The following PELI2 variants were observed in gnomAD, a reference collection of about 807,000 sequenced individuals.
PELI2 encodes pellino E3 ubiquitin protein ligase family member 2.
In PELI2, 23 loss-of-function variants were observed where a neutral mutation model predicts 42.3. The observed-to-expected ratio is 0.54, with a 90% CI of 0.39 to 0.77. PELI2 has a LOEUF of 0.77. PELI2 is among the 30% of genes least tolerant of loss of function. The pLI, the probability that PELI2 is intolerant of heterozygous loss-of-function variation, is 0.00. For synonymous variants in PELI2, 245 were observed against 212.2 expected, an observed-to-expected ratio of 1.15 and a Z score of -1.34; for missense variants, 463 against 553.2, an observed-to-expected ratio of 0.84 and a Z score of 1.64.
intron 2 of PELI2, among the ~76,000 whole-genome samples, chr14:56,198,702 C>T (rs1886227603): frequency 6.6e-6 from 1 of 152,060 alleles, no homozygotes; most frequent in Non-Finnish European, 1.5e-5. Context: ...CTAGGGAGGG[C>T]TTGGGGGTCA....
intron 2 of PELI2, among the ~76,000 whole-genome samples, chr14:56,194,909 C>T (rs185927148): frequency 3.9e-5 from 6 of 152,134 alleles, no homozygotes; most frequent in South Asian, 2.1e-4. Flanking sequence ...AAATAAGGAC[C>T]GAGTGTTGAT....
chr14:56,176,649 T>C (rs1486721299), intron 1 of PELI2, among the ~76,000 whole-genome samples: 2 of 152,188 alleles, frequency 1.3e-5, no homozygotes, highest in Non-Finnish European at 2.9e-5. Flanking sequence ...TTGGCCACTC[T>C]TGGATACCGT....
At chr14:56,284,149 T>C (rs1044688177) in intron 3 of PELI2, among the ~76,000 whole-genome samples, 2 of 152,174 alleles carry the variant, frequency 1.3e-5, no homozygotes, top group East Asian at 3.8e-4. Flanking sequence ...TGGAGTCAGT[T>C]AGTAGACTCA....
In PELI2 at chr14:56,258,251, C is replaced by T. The variant is rs147301984; in HGVS notation, c.208-21425C>T. ...AAACTGTTCTAAAGTTAACTGCCTACCAGAACAAGTCCAACACTCTTAACA... is the reference window on the plus strand; with the variant it reads ...AAACTGTTCTAAAGTTAACTGCCTATCAGAACAAGTCCAACACTCTTAACA... On this transcript the variant is annotated intron_variant, in intron 2 of 5. Coordinates refer to ENST00000267460, the MANE Select transcript of PELI2 (RefSeq NM_021255.3). Among the ~76,000 whole-genome samples the T allele has an allele frequency of 8.8e-3, 1,341 of 152,168 alleles. 23 individuals carry two copies. Among genetic ancestry groups the T allele is most frequent in the African/African-American group, 0.031 (1,266 of 41,504 alleles).
At chr14:56,119,516 G>T (rs1051213819) in intron 1 of PELI2, among the ~76,000 whole-genome samples, 1 of 152,218 alleles carries the variant, frequency 6.6e-6, no homozygotes, top group African/African-American at 2.4e-5. Flanking sequence ...CGCCCGCCTC[G>T]GCTCCCTCTC....
intron 1 of PELI2, chr14:56,144,892 C>T (rs1305231035): frequency 3.4e-5 from 24 of 712,358 alleles, no homozygotes; most frequent in Non-Finnish European, 4.1e-5. Flanking sequence ...TAAGGATTTC[C>T]ATCCTACTAT....
intron 2 of PELI2, among the ~76,000 whole-genome samples, chr14:56,193,779 T>G (rs1487770371): frequency 6.6e-6 from 1 of 152,214 alleles, no homozygotes; most frequent in Non-Finnish European, 1.5e-5. Context: ...AAAAAATGTT[T>G]TAAGTTAATG....
chr14:56,180,346 A>G lies in PELI2; in HGVS notation c.207+1882A>G, dbSNP rs1885534541. Among the ~76,000 whole-genome samples, 1 of 152,200 alleles carries G rather than the reference A, an allele frequency of 6.6e-6. No homozygotes were observed. Among genetic ancestry groups the G allele is most frequent in the Admixed American group, 6.5e-5 (1 of 15,284 alleles). ...ATTCTGGCTAAGATAAAACAGACAA[A>G]AGTAAGATAAATTATTATAGGCTAG... On this transcript the variant is annotated intron_variant, in intron 2 of 5. Transcript: ENST00000267460. The surrounding 1 kb of genome is among the most constrained non-coding windows in gnomAD (Gnocchi z 4.4).
chr14:56,147,189 T>G (rs1884157636), intron 1 of PELI2, among the ~76,000 whole-genome samples: 1 of 152,338 alleles, frequency 6.6e-6, no homozygotes, highest in Non-Finnish European at 1.5e-5. Context: ...CACATTTTGT[T>G]TATGTATTGA....
chr14:56,298,762 T>G lies in PELI2; in HGVS notation c.*1596T>G, dbSNP rs1407373567. ...TGCTGCTTAATTTGATGTAATATGT[T>G]TAAAGTTCAGCCTCTCAGTTTTAAT... On this transcript the variant is annotated 3_prime_UTR_variant, in exon 6 of 6. Transcript: ENST00000267460. 2 of 152,656 alleles carry G rather than the reference T, an allele frequency of 1.3e-5. No homozygotes were observed. Among genetic ancestry groups the G allele is most frequent in the Admixed American group, 1.3e-4 (2 of 15,288 alleles). The allele number at this position is 152,656 out of a possible 1,614,324, so 9.5% of individuals were successfully genotyped here.
intron 2 of PELI2, among the ~76,000 whole-genome samples, chr14:56,209,692 G>A (rs1355416845): frequency 6.6e-6 from 1 of 152,154 alleles, no homozygotes; most frequent in Non-Finnish European, 1.5e-5. Flanking sequence ...TTTTTAGAGA[G>A]CGTAAAGAAG....
rs1014447544 is a variant in PELI2, at chr14:56,280,575, C to T, written c.309+798C>T. On this transcript the variant is annotated intron_variant, in intron 3 of 5. Transcript: ENST00000267460. ...AGTTAAATTATTACATAAATGATGTCGAAACAAACATCAAAAGAGTATGAT... is the reference window on the plus strand; with the variant it reads ...AGTTAAATTATTACATAAATGATGTTGAAACAAACATCAAAAGAGTATGAT... Among the ~76,000 whole-genome samples, 5 of 151,720 alleles carry T rather than the reference C, an allele frequency of 3.3e-5. No individual in the cohort carries two copies. In the East Asian group the frequency reaches 5.8e-4, roughly 18 times the overall value.
chr14:56,251,849 A>T (rs1418961331), intron 2 of PELI2, among the ~76,000 whole-genome samples: 2 of 152,230 alleles, frequency 1.3e-5, no homozygotes, highest in East Asian at 3.9e-4. Context: ...AAGAGTAGTC[A>T]CTTGGGATGT....
rs1304720046 is a variant in PELI2 at position 56,197,439 on chromosome 14, C to T, written c.207+18975C>T. On this transcript the variant is annotated intron_variant, in intron 2 of 5. Coordinates refer to ENST00000267460, the MANE Select transcript of PELI2 (RefSeq NM_021255.3). The surrounding 1 kb of genome is among the most constrained non-coding windows in gnomAD (Gnocchi z 4.9). ...GGTACAGTCAAGTCTTGTTCATGGGCCTTGGCTTTAATCTGGTTGCAATAG... is the reference window on the plus strand; with the variant it reads ...GGTACAGTCAAGTCTTGTTCATGGGTCTTGGCTTTAATCTGGTTGCAATAG... Among the ~76,000 whole-genome samples the T allele has an allele frequency of 6.6e-6, 1 of 151,992 alleles. No individual in the cohort carries two copies. Among genetic ancestry groups the T allele is most frequent in the Non-Finnish European group, 1.5e-5 (1 of 68,012 alleles).
chr14:56,216,304 A>C (rs1290896058), intron 2 of PELI2, among the ~76,000 whole-genome samples: 1 of 152,194 alleles, frequency 6.6e-6, no homozygotes, highest in East Asian at 1.9e-4. Flanking sequence ...TTTCTGTTTT[A>C]TGTTTTCTAT....
At chr14:56,147,198 G>A (rs537837792) in intron 1 of PELI2, among the ~76,000 whole-genome samples, 39 of 152,206 alleles carry the variant, frequency 2.6e-4, no homozygotes, top group Middle Eastern at 6.8e-3. Context: ...TTTATGTATT[G>A]ATCAGTTAAT....
chr14:56,296,452 A>G, intron 5 of PELI2, 148 bp from the exon 6 acceptor site: 3 of 605,870 alleles, frequency 5.0e-6, no homozygotes, highest in Non-Finnish European at 8.8e-6. Context: ...CGGGGAGGAT[A>G]GGTTACTCCC....
intron 2 of PELI2, among the ~76,000 whole-genome samples, chr14:56,232,028 C>T (rs12009287): frequency 2.0e-5 from 3 of 151,906 alleles, no homozygotes; most frequent in Admixed American, 6.5e-5. Context: ...ATAAATTCCT[C>T]GACACATACA....
intron 2 of PELI2, among the ~76,000 whole-genome samples, chr14:56,229,160 T>A (rs1193268926): frequency 6.6e-6 from 1 of 152,214 alleles, no homozygotes; most frequent in African/African-American, 2.4e-5. Flanking sequence ...ACTCCACCTG[T>A]GGGGGCAGGG....
Sources: allele counts gnomAD v4.1 joint callset (sites outside exome capture counted in the v4.1 genomes callset), GRCh38; gene constraint gnomAD v4.1.1; non-coding constraint Gnocchi (gnomAD v3.1); transcripts MANE v1.5; gene names NCBI Gene and HGNC (gene_info 2026-07-23, HGNC 2026-07-21).